Variants in PDXDC1 observed in about 807,000 individuals in gnomAD.
The protein encoded by PDXDC1 is pyridoxal dependent decarboxylase domain containing 1, also known as pyridoxal-dependent decarboxylase domain-containing protein 1.
PDXDC1 carries 42 observed loss-of-function variants against 100.1 expected under a neutral mutation model. The ratio of observed to expected loss-of-function variants is 0.42; its 90% CI spans 0.33 to 0.54. The LOEUF (loss-of-function observed/expected upper bound fraction) is 0.54. PDXDC1 is among the 20% of genes least tolerant of loss of function. The pLI is 0.10. For synonymous variants in PDXDC1, 260 were observed against 371.7 expected (o/e 0.70, Z 3.46); for missense variants, 636 against 979.2 (o/e 0.65, Z 4.68).
At chr16:14,976,236 G>A (rs1966824536) in intron 1 of PDXDC1, among the ~76,000 whole-genome samples, 1 of 152,282 alleles carries the variant, frequency 6.6e-6, no homozygotes, top group African/African-American at 2.4e-5. Context: ...TGCATACCCG[G>A]TTTTTCATGC....
chr16:15,104,852 A>G, intron 16 of PDXDC1: 2 of 1,513,258 alleles, frequency 1.3e-6, no homozygotes, highest in Non-Finnish European at 1.8e-6. Context: ...GTTGCTGGTG[A>G]TAGATTTTTG....
At position 15,031,852 on chromosome 16, in the gene PDXDC1, C is replaced by T; in HGVS notation, c.1517C>T (p.Thr506Ile). The change falls in exon 17 of 23, where the codon ACA becomes ATA. Residue 506 changes from threonine (T) to isoleucine (I), a missense_variant. Coordinates refer to ENST00000396410, the MANE Select transcript of PDXDC1 (RefSeq NM_015027.4). ...GAGTTCAAGCAGGAAGTGGAAGCAA[C>T]AGCAGGTCTCCTATATGTTGATGAC... ...REEFKQEVEA[T>I]AGLLYVDDPN... The T allele has an allele frequency of 1.2e-6, 2 of 1,613,996 alleles. No individual in the cohort carries two copies. The highest frequency in any genetic ancestry group is 1.7e-6 in the Non-Finnish European group (2 of 1,179,948).
chr16:14,986,014 T>C (rs1300033249), intron 1 of PDXDC1, among the ~76,000 whole-genome samples: 1 of 152,226 alleles, frequency 6.6e-6, no homozygotes, highest in Non-Finnish European at 1.5e-5. Flanking sequence ...GGTTAGAGGA[T>C]CACTTGAGCC....
chr16:15,040,555 A>T, downstream of PDXDC1: 1 of 174,638 alleles, frequency 5.7e-6, no homozygotes, highest in Non-Finnish European at 1.2e-5. Flanking sequence ...AGCCGATTCC[A>T]TGATGCCTTT....
At chr16:15,102,749 G>A (rs77505145) in intron 16 of PDXDC1, among the ~76,000 whole-genome samples, 60,435 of 111,700 alleles carry the variant, frequency 0.54, 11,798 homozygotes, top group Admixed American at 0.6. Flanking sequence ...CTGGGAGTTC[G>A]AGACCAGCCT....
intron 16 of PDXDC1, chr16:15,108,716 CATG>C (rs1208793857): frequency 4.3e-5 from 1 of 23,142 alleles, no homozygotes; most frequent in Non-Finnish European, 1.1e-4. Flanking sequence ...AGTAAACAGA[CATG>C]AGGTGAAGAT....
At chr16:15,068,832 C>A (rs2045095859) in intron 16 of PDXDC1, among the ~76,000 whole-genome samples, 1 of 152,126 alleles carries the variant, frequency 6.6e-6, no homozygotes, top group South Asian at 2.1e-4. Context: ...TTCTTTTCTA[C>A]ATGAGTAAAA....
chr16:15,146,820 T>C, the PDXDC1 span, among the ~76,000 whole-genome samples: 1 of 151,810 alleles, frequency 6.6e-6, no homozygotes. Flanking sequence ...TTTAACAAGG[T>C]ATGATTGTTG....
chr16:15,023,084 T>C (rs967367039), intron 13 of PDXDC1, among the ~76,000 whole-genome samples: 6 of 152,296 alleles, frequency 3.9e-5, no homozygotes, highest in African/African-American at 7.2e-5. Flanking sequence ...TTGGGCACAC[T>C]CTTCTTCCCA....
chr16:14,991,301 G>A (rs1397425141), intron 1 of PDXDC1, among the ~76,000 whole-genome samples: 4 of 128,794 alleles, frequency 3.1e-5, no homozygotes, highest in Admixed American at 8.8e-5. Flanking sequence ...GTGTGTGTGT[G>A]TGTGTATTTG....
intron 16 of PDXDC1, chr16:15,133,334 C>CGGG: frequency 1.5e-6 from 2 of 1,328,736 alleles, no homozygotes; most frequent in Admixed American, 3.6e-5. Context: ...CCGCAGCAGC[C>CGGG]CCGGGAGCAC....
chr16:15,129,370 T>C (rs1339789787), intron 16 of PDXDC1, among the ~76,000 whole-genome samples: 5 of 151,776 alleles, frequency 3.3e-5, no homozygotes, highest in Non-Finnish European at 5.9e-5. Context: ...ACCCAGGAGC[T>C]GGAAGTTGCT....
chr16:15,112,302 T>A (rs1359735821), intron 16 of PDXDC1, among the ~76,000 whole-genome samples: 3 of 147,168 alleles, frequency 2.0e-5, no homozygotes, highest in South Asian at 4.5e-4. Flanking sequence ...CACGGCAACC[T>A]CCACCTCCCA....
At position 15,100,626 on chromosome 16, in the gene PDXDC1, T is replaced by C. The variant is rs117382867; in HGVS notation, c.1400-38253T>C. On this transcript the variant is annotated intron_variant, in intron 16 of 16. Transcript: ENST00000535621. ...CTCCCCACAGTAACATTCAAAAATA[T>C]CTCCAGATGTTGCCAAATGTCCCTG... 6.1e-3 allele frequency among the ~76,000 whole-genome samples: 932 copies of C among 152,228 alleles called. 58 individuals are homozygous for C. The East Asian group carries it at 0.14, about 24-fold the overall frequency.
intron 16 of PDXDC1, chr16:15,128,378 G>A: frequency 3.1e-6 from 5 of 1,591,866 alleles, no homozygotes; most frequent in Non-Finnish European, 4.3e-6. Context: ...ATGCCCACGT[G>A]GGCCGTGGTA....
At chr16:14,984,893 G>A (rs1343161163) in intron 1 of PDXDC1, among the ~76,000 whole-genome samples, 1 of 151,914 alleles carries the variant, frequency 6.6e-6, no homozygotes, top group Non-Finnish European at 1.5e-5. Flanking sequence ...TTTTTCCCCT[G>A]AAACAGAGTC....
chr16:15,122,853 G>GGAAGGGGAGGC (rs2047499300), intron 16 of PDXDC1, among the ~76,000 whole-genome samples: 1 of 122,852 alleles, frequency 8.1e-6, no homozygotes, highest in Non-Finnish European at 1.7e-5. Context: ...GAAGGGGAGG[G>GGAAGGGGAGGC]GAAGGGGGGA....
chr16:15,092,597 G>C (rs371217767), intron 16 of PDXDC1: 1 of 1,609,794 alleles, frequency 6.2e-7, no homozygotes, highest in African/African-American at 1.3e-5. Flanking sequence ...ATTCTCTAAT[G>C]CACGCATATT....
chr16:15,014,955 T>C (rs1266941087), intron 8 of PDXDC1, among the ~76,000 whole-genome samples: 6 of 152,296 alleles, frequency 3.9e-5, no homozygotes, highest in African/African-American at 1.4e-4. Context: ...GTTTGTTTTT[T>C]GAGCTGGAGT....
Sources: gnomAD v4.1 joint callset for allele counts (sites outside exome capture counted in the v4.1 genomes callset) on GRCh38, gnomAD v4.1.1 for gene constraint, MANE v1.5 for transcripts, NCBI Gene and HGNC (gene_info 2026-07-23, HGNC 2026-07-21) for gene names.